Variants in SORCS2 observed in about 807,000 individuals in gnomAD.
SORCS2 encodes VPS10 domain-containing receptor SorCS2.
Under a neutral mutation model 141.6 loss-of-function variants are expected in SORCS2, and 100 were observed. That is an observed-to-expected ratio of 0.71 (90% CI 0.60 to 0.83). The LOEUF is 0.83. Ranked by LOEUF, SORCS2 falls within the 40% of genes least tolerant of loss-of-function variation. The pLI, the probability that SORCS2 is intolerant of heterozygous loss-of-function variation, is 0.00. For missense variants in SORCS2, 1,646 were observed against 1,560.2 expected, an observed-to-expected ratio of 1.05 and a Z score of -0.93; for synonymous variants, 789 against 676.9, an observed-to-expected ratio of 1.17 and a Z score of -2.57.
intron 1 of SORCS2, among the ~76,000 whole-genome samples, chr4:7,377,916 T>C (rs1318868687): frequency 2.0e-5 from 3 of 152,270 alleles, no homozygotes; most frequent in Non-Finnish European, 4.4e-5. Flanking sequence ...GGAGATCTTT[T>C]AAATTAGATT....
At chr4:7,624,033 C>T (rs556750419) in intron 3 of SORCS2, among the ~76,000 whole-genome samples, 6 of 152,346 alleles carry the variant, frequency 3.9e-5, no homozygotes, top group Non-Finnish European at 8.8e-5. Context: ...ATAACAACTA[C>T]TTCATCAGAG....
intron 2 of SORCS2, among the ~76,000 whole-genome samples, chr4:7,452,894 C>CCGTGTTGAGGTCAGGAGCTG (rs1728565931): frequency 7.3e-6 from 1 of 137,320 alleles, no homozygotes; most frequent in Non-Finnish European, 1.6e-5. Context: ...GGGTCAGGCG[C>CCGTGTTGAGGTCAGGAGCTG]TGTGTTGGGG....
At chr4:7,676,803 GTCTCTCTCTC>G (rs1182959755) in intron 9 of SORCS2, among the ~76,000 whole-genome samples, 2 of 37,230 alleles carry the variant, frequency 5.4e-5, no homozygotes, top group East Asian at 5.3e-4. Flanking sequence ...CTGCCTTTCT[GTCTCTCTCTC>G]TCTCTCTCTC....
chr4:7,722,164 C>T (rs1372786244), intron 18 of SORCS2, among the ~76,000 whole-genome samples: 1 of 152,192 alleles, frequency 6.6e-6, no homozygotes, highest in African/African-American at 2.4e-5. Flanking sequence ...TGGCGCCTCA[C>T]CCAGGTTGAG....
intron 1 of SORCS2, among the ~76,000 whole-genome samples, chr4:7,367,683 G>A (rs1241904123): frequency 1.3e-5 from 2 of 152,354 alleles, no homozygotes; most frequent in East Asian, 1.9e-4. Context: ...TCAGGAGCCC[G>A]TGTTGGCTCC....
chr4:7,490,319 C>T (rs539155758), intron 2 of SORCS2, among the ~76,000 whole-genome samples: 34 of 152,286 alleles, frequency 2.2e-4, no homozygotes, highest in African/African-American at 7.9e-4. Flanking sequence ...GGGTCCCAGC[C>T]TGCCTCCCTC....
chr4:7,289,647 T>C (rs1009422983), intron 1 of SORCS2, among the ~76,000 whole-genome samples: 2 of 152,102 alleles, frequency 1.3e-5, no homozygotes, highest in Non-Finnish European at 2.9e-5. Context: ...AGGTAAAATA[T>C]CACAATTCAT....
intron 3 of SORCS2, among the ~76,000 whole-genome samples, chr4:7,604,967 G>A (rs1428612366): frequency 2.0e-5 from 3 of 152,148 alleles, no homozygotes; most frequent in Admixed American, 6.5e-5. Context: ...AAGATATCCC[G>A]CTGAGTTAGG....
Position 7,192,709 on chromosome 4 carries a change from C to T in SORCS2, c.63C>T (p.Ser21=), listed in dbSNP as rs1405849447. Residue 21 remains serine (S), a synonymous_variant, in exon 1 of 27, where the codon AGC becomes AGT. Transcript: ENST00000507866. The surrounding 1 kb of genome is among the most constrained non-coding windows in gnomAD (Gnocchi z 4.0). ...KGPGPTARAP[S]PGAPPPPRSP... ...CCGGCCCCACCGCCCGAGCCCCGAG[C>T]CCCGGGGCTCCGCCGCCGCCGCGCT... 2.0e-6 allele frequency: 2 copies of T among 989,426 alleles called. No individual in the cohort carries two copies. Among genetic ancestry groups the T allele is most frequent in the South Asian group, 4.5e-5 (1 of 22,194 alleles). The allele number at this position is 989,426 out of a possible 1,614,324, so 61.3% of individuals were successfully genotyped here.
At chr4:7,540,204 C>CCCTGCCCCTG (rs1560369603) in intron 3 of SORCS2, among the ~76,000 whole-genome samples, 1 of 74,000 alleles carries the variant, frequency 1.4e-5, no homozygotes, top group East Asian at 4.1e-4. Flanking sequence ...CCCTGCCCCT[C>CCCTGCCCCTG]CCTGCCCCTG....
intron 1 of SORCS2, among the ~76,000 whole-genome samples, chr4:7,198,378 C>T (rs1178260242): frequency 6.6e-6 from 1 of 152,222 alleles, no homozygotes; most frequent in Non-Finnish European, 1.5e-5. Flanking sequence ...ATGTCAACTC[C>T]AGTCCACCTT....
intron 1 of SORCS2, among the ~76,000 whole-genome samples, chr4:7,226,112 A>C (rs1453342843): frequency 2.6e-5 from 4 of 152,138 alleles, no homozygotes; most frequent in Middle Eastern, 3.4e-3. Context: ...GGGGCCTCTG[A>C]TCTCCAGGGA....
intron 10 of SORCS2, among the ~76,000 whole-genome samples, chr4:7,688,688 C>T (rs896484574): frequency 2.7e-5 from 4 of 146,904 alleles, no homozygotes; most frequent in Non-Finnish European, 1.5e-5. Flanking sequence ...TGCCTCACTT[C>T]ACCCTATGGA....
chr4:7,535,666 C>T (rs534087438), intron 3 of SORCS2, among the ~76,000 whole-genome samples: 19 of 152,368 alleles, frequency 1.2e-4, no homozygotes, highest in East Asian at 1.9e-4. Context: ...GAAACACTGA[C>T]GCCCTCCTGG....
At chr4:7,657,836 G>A (rs1721891508) in intron 5 of SORCS2, among the ~76,000 whole-genome samples, 1 of 151,526 alleles carries the variant, frequency 6.6e-6, no homozygotes, top group Non-Finnish European at 1.5e-5. Flanking sequence ...GTCTGTGACT[G>A]AGTGAGTGAG....
At chr4:7,261,135 A>AT (rs1423184155) in intron 1 of SORCS2, among the ~76,000 whole-genome samples, 1 of 152,174 alleles carries the variant, frequency 6.6e-6, no homozygotes, top group African/African-American at 2.4e-5. Flanking sequence ...CAGCCTGGGA[A>AT]TTCTCTTGCT....
intron 3 of SORCS2, among the ~76,000 whole-genome samples, chr4:7,544,019 T>TCCATCCATCCATCCACCCAC (rs1713042255): frequency 1.6e-5 from 2 of 128,476 alleles, no homozygotes; most frequent in African/African-American, 5.9e-5. Flanking sequence ...CATCCACCCA[T>TCCATCCATCCATCCACCCAC]CCATCCATCC....
At chr4:7,457,464 G>A (rs563452339) in intron 2 of SORCS2, among the ~76,000 whole-genome samples, 80 of 151,014 alleles carry the variant, frequency 5.3e-4, no homozygotes, top group East Asian at 7.8e-4. Context: ...ACCAGGGAGC[G>A]TGCCCCAGTG....
intron 3 of SORCS2, among the ~76,000 whole-genome samples, chr4:7,577,051 C>T (rs917740000): frequency 2.0e-5 from 3 of 152,262 alleles, no homozygotes; most frequent in East Asian, 1.9e-4. Flanking sequence ...TATTAGAATT[C>T]GGCAAGGAGA....
Sources: allele counts gnomAD v4.1 joint callset (sites outside exome capture counted in the v4.1 genomes callset), GRCh38; gene constraint gnomAD v4.1.1; non-coding constraint Gnocchi (gnomAD v3.1); transcripts MANE v1.5; gene names NCBI Gene and HGNC (gene_info 2026-07-23, HGNC 2026-07-21).